Variants in OLFM3 observed in about 807,000 individuals in gnomAD.
OLFM3 encodes the protein noelin-3.
In OLFM3, 20 loss-of-function variants were observed where a neutral mutation model predicts 48.6. The observed-to-expected ratio is 0.41, with a 90% CI of 0.29 to 0.60. The LOEUF is 0.60. Ranked by LOEUF, OLFM3 falls within the 20% of genes least tolerant of loss-of-function variation. The pLI is 0.28. For synonymous variants in OLFM3, 222 were observed against 198.1 expected, an observed-to-expected ratio of 1.12 and a Z score of -1.01; for missense variants, 437 against 544.3, an observed-to-expected ratio of 0.80 and a Z score of 1.96.
intron 1 of OLFM3, among the ~76,000 whole-genome samples, chr1:101,957,365 T>C (rs1660329838): frequency 6.6e-6 from 1 of 152,050 alleles, no homozygotes; most frequent in South Asian, 2.1e-4. Context: ...ACTTTTTAAT[T>C]ATCCACCTTT....
At chr1:101,877,467 A>C (rs1057066643) in intron 1 of OLFM3, among the ~76,000 whole-genome samples, 9 of 151,964 alleles carry the variant, frequency 5.9e-5, no homozygotes, top group Admixed American at 4.6e-4. Context: ...TACATATTAA[A>C]AACCAGTTTT....
intron 1 of OLFM3, among the ~76,000 whole-genome samples, chr1:101,972,737 C>A (rs1042224604): frequency 6.6e-6 from 1 of 152,160 alleles, no homozygotes; most frequent in Non-Finnish European, 1.5e-5. Flanking sequence ...CAACAGGTCT[C>A]CATTTTGCTT....
intron 1 of OLFM3, among the ~76,000 whole-genome samples, chr1:101,958,083 T>G (rs1660352412): frequency 1.3e-5 from 2 of 152,104 alleles, no homozygotes. Flanking sequence ...TCACCTATTC[T>G]GTCTCTAATT....
intron 1 of OLFM3, among the ~76,000 whole-genome samples, chr1:101,838,923 C>T (rs1655572336): frequency 6.6e-6 from 1 of 152,196 alleles, no homozygotes; most frequent in Non-Finnish European, 1.5e-5. Context: ...TAGGTTCTAG[C>T]TCATCACATA....
chr1:101,914,344 T>C (rs1658858153), intron 1 of OLFM3, among the ~76,000 whole-genome samples: 1 of 152,144 alleles, frequency 6.6e-6, no homozygotes, highest in African/African-American at 2.4e-5. Context: ...TCTACTTAAA[T>C]ATCAGTCTCC....
rs201638879 is a variant in OLFM3, at chr1:101,836,964, C to T, written c.131G>A (p.Arg44Gln). ...TGGAGCAACAACTGTGCAAATGCACCGCCCATCAGGATCCTGAGCTGAGCT... is the reference window on the plus strand; with the variant it reads ...TGGAGCAACAACTGTGCAAATGCACTGCCCATCAGGATCCTGAGCTGAGCT... ...VYSSAQDPDG[R>Q]CICTVVAPEQ... Residue 44 changes from arginine (R) to glutamine (Q), a missense_variant, in exon 2 of 6, where the codon CGG (arginine) becomes CAG (glutamine). By Grantham distance (43) the Arg-to-Gln change is conservative (BLOSUM62 1). Transcript: ENST00000370103. 50 of 1,614,034 alleles carry T rather than the reference C, an allele frequency of 3.1e-5. No individual in the cohort carries two copies. Among genetic ancestry groups the T allele is most frequent in the Admixed American group, 6.7e-5 (4 of 60,004 alleles).
At chr1:101,994,869 A>C (rs2101126679) in intron 1 of OLFM3, among the ~76,000 whole-genome samples, 1 of 152,154 alleles carries the variant, frequency 6.6e-6, no homozygotes, top group Admixed American at 6.5e-5. Flanking sequence ...TTTTCAGCTC[A>C]TTTGTAGCAA....
chr1:101,843,373 G>A (rs940383042), intron 1 of OLFM3, among the ~76,000 whole-genome samples: 1 of 152,150 alleles, frequency 6.6e-6, no homozygotes, highest in African/African-American at 2.4e-5. Context: ...ACAGCGTGAG[G>A]GATTTCTCAG....
intron 4 of OLFM3, among the ~76,000 whole-genome samples, chr1:101,815,732 A>T (rs367982385): frequency 9.2e-5 from 14 of 152,344 alleles, no homozygotes; most frequent in African/African-American, 2.9e-4. Flanking sequence ...AAAAATAAAG[A>T]ATCCAACAGG....
chr1:101,877,322 T>C (rs1657341616), intron 1 of OLFM3, among the ~76,000 whole-genome samples: 2 of 151,920 alleles, frequency 1.3e-5, no homozygotes, highest in South Asian at 4.1e-4. Flanking sequence ...TCCTCCTCAT[T>C]CCTGAAGGAC....
At chr1:101,829,344 T>G (rs1655035784) in intron 3 of OLFM3, among the ~76,000 whole-genome samples, 2 of 152,240 alleles carry the variant, frequency 1.3e-5, no homozygotes, top group Admixed American at 1.3e-4. Context: ...GCTGGTTTTG[T>G]GTACTTCTCT....
chr1:101,869,654 C>A lies in OLFM3; in HGVS notation c.70-32629G>T, dbSNP rs573141636. ...GCAGAACGATATGTTATGGCTGTGT[C>A]GTCACCCAAATCTCACCTTGAATTG... is the stretch of plus-strand genomic sequence containing the variant. On this transcript the variant is annotated intron_variant, in intron 1 of 5. Transcript: ENST00000370103. Among the ~76,000 whole-genome samples the A allele has an allele frequency of 1.5e-4, 23 of 152,164 alleles. No homozygotes were observed. The South Asian group carries it at 4.6e-3, about 30-fold the overall frequency.
chr1:101,878,439 C>T (rs944021925), intron 1 of OLFM3, among the ~76,000 whole-genome samples: 6 of 151,920 alleles, frequency 3.9e-5, no homozygotes, highest in Non-Finnish European at 8.8e-5. Flanking sequence ...ACCCATTAAA[C>T]TGGTCACATC....
At chr1:101,817,788 A>G (rs1020189115) in intron 4 of OLFM3, among the ~76,000 whole-genome samples, 5 of 152,084 alleles carry the variant, frequency 3.3e-5, no homozygotes, top group Admixed American at 6.6e-5. Context: ...ATGCATTAAG[A>G]AATACTTCTG....
intron 1 of OLFM3, among the ~76,000 whole-genome samples, chr1:101,980,897 G>C (rs533489923): frequency 6.6e-6 from 1 of 152,304 alleles, no homozygotes; most frequent in African/African-American, 2.4e-5. Context: ...GTCTTTCAAT[G>C]TATATGAAAG....
At chr1:101,824,114 G>A (rs958439380) in intron 4 of OLFM3, among the ~76,000 whole-genome samples, 1 of 152,072 alleles carries the variant, frequency 6.6e-6, no homozygotes, top group Admixed American at 6.6e-5. Context: ...TTGTGTGTGT[G>A]TGTGTGTGTG....
chr1:101,891,033 G>C (rs1657974441), intron 1 of OLFM3, among the ~76,000 whole-genome samples: 1 of 151,910 alleles, frequency 6.6e-6, no homozygotes, highest in Non-Finnish European at 1.5e-5. Context: ...TAATGAAACA[G>C]CCTCTTTTCC....
At chr1:101,817,067 T>C (rs1348270307) in intron 4 of OLFM3, among the ~76,000 whole-genome samples, 1 of 152,192 alleles carries the variant, frequency 6.6e-6, no homozygotes, top group Non-Finnish European at 1.5e-5. Context: ...GGAGCATAGA[T>C]ACTGTAAAAT....
chr1:101,920,124 G>A (rs926280190), intron 1 of OLFM3, among the ~76,000 whole-genome samples: 1 of 152,048 alleles, frequency 6.6e-6, no homozygotes, highest in Non-Finnish European at 1.5e-5. Flanking sequence ...TTATTTCCCT[G>A]ATTTCCTAAT....
Sources: gnomAD v4.1 joint callset for allele counts (sites outside exome capture counted in the v4.1 genomes callset) on GRCh38, gnomAD v4.1.1 for gene constraint, MANE v1.5 for transcripts, NCBI Gene and HGNC (gene_info 2026-07-23, HGNC 2026-07-21) for gene names.